Variants in NRG3 observed in about 807,000 individuals in gnomAD.
The protein encoded by NRG3 is neuregulin 3, also known as pro-neuregulin-3, membrane-bound isoform.
A neutral mutation model predicts 66.9 loss-of-function variants in NRG3; 31 were observed. The observed-to-expected ratio is 0.46, with a 90% confidence interval of 0.35 to 0.63. The LOEUF is 0.63. Among genes scored for constraint, NRG3 ranks in the 20% least tolerant of loss-of-function variants. The pLI is 0.00. For synonymous variants in NRG3, 393 were observed against 359.4 expected, an observed-to-expected ratio of 1.09 and a Z score of -1.06; for missense variants, 910 against 878.9, an observed-to-expected ratio of 1.04 and a Z score of -0.45.
chr10:82,785,359 A>G (rs1357101678), intron 3 of NRG3, among the ~76,000 whole-genome samples: 2 of 151,862 alleles, frequency 1.3e-5, no homozygotes, highest in African/African-American at 4.8e-5. Flanking sequence ...TATAATAATA[A>G]TAAAAAAATT....
chr10:82,268,836 G>T (rs557781373), intron 1 of NRG3, among the ~76,000 whole-genome samples: 17 of 152,194 alleles, frequency 1.1e-4, no homozygotes, highest in African/African-American at 3.6e-4. Flanking sequence ...CTAAGGAAGA[G>T]GATTGATACT....
chr10:82,049,991 C>T (rs957395440), intron 1 of NRG3, among the ~76,000 whole-genome samples: 5 of 151,898 alleles, frequency 3.3e-5, no homozygotes, highest in African/African-American at 1.2e-4. Flanking sequence ...TTTTCTGTAC[C>T]ATCCCCTATT....
intron 2 of NRG3, among the ~76,000 whole-genome samples, chr10:82,672,586 A>C (rs1193965632): frequency 6.6e-6 from 1 of 152,158 alleles, no homozygotes; most frequent in Non-Finnish European, 1.5e-5. Context: ...GTAAGGGGGA[A>C]TGCTGCAGCA....
intron 1 of NRG3, among the ~76,000 whole-genome samples, chr10:82,343,840 A>G (rs1191541200): frequency 6.6e-6 from 1 of 152,010 alleles, no homozygotes; most frequent in Non-Finnish European, 1.5e-5. Context: ...TAATCCAGAA[A>G]CAAGAGTTAA....
intron 2 of NRG3, among the ~76,000 whole-genome samples, chr10:82,689,698 G>A (rs2054778765): frequency 6.6e-6 from 1 of 152,180 alleles, no homozygotes; most frequent in Admixed American, 6.6e-5. Flanking sequence ...ACCACAAACT[G>A]AAGTGGCACA....
chr10:82,307,845 G>A (rs760637424), intron 1 of NRG3, among the ~76,000 whole-genome samples: 2 of 150,924 alleles, frequency 1.3e-5, no homozygotes, highest in Non-Finnish European at 3.0e-5. Flanking sequence ...TCTCTGGATG[G>A]TTTCACTATT....
rs556451557 is a variant in NRG3 at position 82,147,851 on chromosome 10, C to A, written c.824-210888C>A. Reference sequence around the variant, plus strand: ...GCTTCATTAGTTCAACCTTCAGAATCACTCAATGTTACAGTCCCAGTTTTC... The same window carrying A: ...GCTTCATTAGTTCAACCTTCAGAATAACTCAATGTTACAGTCCCAGTTTTC... On this transcript the variant is annotated intron_variant, in intron 1 of 8. Transcript: ENST00000372141. Among the ~76,000 whole-genome samples the A allele has an allele frequency of 2.0e-5, 3 of 152,316 alleles. No individual in the cohort carries two copies. The South Asian group carries it at 6.2e-4, about 32-fold the overall frequency.
At chr10:82,356,225 A>T (rs1400901058) in intron 1 of NRG3, among the ~76,000 whole-genome samples, 1 of 152,200 alleles carries the variant, frequency 6.6e-6, no homozygotes, top group African/African-American at 2.4e-5. Flanking sequence ...TTGCCATTGT[A>T]TTGCACTTGA....
intron 2 of NRG3, among the ~76,000 whole-genome samples, chr10:82,421,121 A>C (rs1327561030): frequency 6.6e-6 from 1 of 152,126 alleles, no homozygotes; most frequent in Non-Finnish European, 1.5e-5. Context: ...AATAATGTGA[A>C]TATTACTGAC....
At chr10:82,887,369 A>C (rs1214465853) in intron 4 of NRG3, among the ~76,000 whole-genome samples, 4 of 152,250 alleles carry the variant, frequency 2.6e-5, no homozygotes, top group African/African-American at 9.6e-5. Context: ...AGAATTATCT[A>C]AACAAAAAAT....
intron 1 of NRG3, among the ~76,000 whole-genome samples, chr10:82,273,036 T>C (rs1015010324): frequency 7.2e-5 from 11 of 152,084 alleles, no homozygotes; most frequent in African/African-American, 2.4e-4. Flanking sequence ...CACTTTCAAG[T>C]TGGGGTTGTC....
In NRG3 at chr10:82,665,309, A is replaced by G. The variant is rs187237400; in HGVS notation, c.954-73268A>G. Among the ~76,000 whole-genome samples the G allele has an allele frequency of 3.3e-5, 5 of 152,344 alleles. No homozygotes were observed. In the East Asian group the frequency reaches 5.8e-4, roughly 18 times the overall value. ...CAATAGTGTTATTCTTTGAGATACA[A>G]CATATCACAATTCATCCTAGCCTGC... On this transcript the variant is annotated intron_variant, in intron 2 of 8. Coordinates refer to ENST00000372141, the MANE Select transcript of NRG3 (RefSeq NM_001010848.4).
chr10:82,263,890 A>T (rs1187051190), intron 1 of NRG3, among the ~76,000 whole-genome samples: 1 of 152,216 alleles, frequency 6.6e-6, no homozygotes, highest in African/African-American at 2.4e-5. Context: ...TTTAAAATCC[A>T]GTTTAAGTTA....
chr10:82,790,277 G>A (rs950031626), intron 3 of NRG3, among the ~76,000 whole-genome samples: 1 of 151,900 alleles, frequency 6.6e-6, no homozygotes, highest in African/African-American at 2.4e-5. Flanking sequence ...TTTCTTGTAG[G>A]GCAGGTCTGC....
intron 3 of NRG3, among the ~76,000 whole-genome samples, chr10:82,745,183 C>T (rs979621665): frequency 6.6e-6 from 1 of 152,144 alleles, no homozygotes; most frequent in African/African-American, 2.4e-5. Flanking sequence ...GAGAAGATTG[C>T]AGTGAGCTAT....
chr10:81,919,131 T>C (rs1846003441), intron 1 of NRG3, among the ~76,000 whole-genome samples: 1 of 152,206 alleles, frequency 6.6e-6, no homozygotes, highest in Admixed American at 6.5e-5. Flanking sequence ...CTTGTTGGAA[T>C]TAACTGAGAG....
intron 6 of NRG3, among the ~76,000 whole-genome samples, chr10:82,964,754 C>G (rs1049034597): frequency 1.3e-5 from 2 of 152,132 alleles, no homozygotes; most frequent in African/African-American, 4.8e-5. Context: ...TAAAAATATC[C>G]TCCTCCTGCT....
At chr10:82,904,561 C>T (rs1844539598) in intron 4 of NRG3, among the ~76,000 whole-genome samples, 1 of 152,102 alleles carries the variant, frequency 6.6e-6, no homozygotes, top group African/African-American at 2.4e-5. Context: ...TTTGTTGAAA[C>T]AGTATTCCTC....
At chr10:82,261,581 C>A (rs1215626720) in intron 1 of NRG3, among the ~76,000 whole-genome samples, 1 of 151,994 alleles carries the variant, frequency 6.6e-6, no homozygotes, top group Non-Finnish European at 1.5e-5. Context: ...AGCTGAGAGC[C>A]CCAAAGAGAG....
Sources: allele counts gnomAD v4.1 joint callset (sites outside exome capture counted in the v4.1 genomes callset), GRCh38; gene constraint gnomAD v4.1.1; transcripts MANE v1.5; gene names NCBI Gene and HGNC (gene_info 2026-07-23, HGNC 2026-07-21).